KIAA1549L: variants seen among roughly 807,000 people sequenced by gnomAD.
KIAA1549L encodes the protein UPF0606 protein KIAA1549L.
A neutral mutation model predicts 160.7 loss-of-function variants in KIAA1549L; 88 were observed. The ratio of observed to expected loss-of-function variants is 0.55; its 90% confidence interval spans 0.46 to 0.65. The LOEUF (loss-of-function observed/expected upper bound fraction) is 0.65. Among genes scored for constraint, KIAA1549L ranks in the 30% least tolerant of loss-of-function variants. KIAA1549L has a pLI of 0.00. For synonymous variants in KIAA1549L, 950 were observed against 976.7 expected (o/e 0.97, Z 0.51); for missense variants, 2,258 against 2,437.5 (o/e 0.93, Z 1.55).
intron 16 of KIAA1549L, among the ~76,000 whole-genome samples, chr11:33,634,590 G>T (rs1448724251): frequency 6.6e-6 from 1 of 152,222 alleles, no homozygotes; most frequent in East Asian, 1.9e-4. Flanking sequence ...AAGTTATGGG[G>T]GGAGAAAGAC....
At chr11:33,647,744 G>A (rs910101850) in intron 17 of KIAA1549L, among the ~76,000 whole-genome samples, 1 of 151,930 alleles carries the variant, frequency 6.6e-6, no homozygotes, top group Non-Finnish European at 1.5e-5. Flanking sequence ...CAGGTAAGAA[G>A]ATGCGATGGC....
In KIAA1549L at chr11:33,651,916, C is replaced by T. The variant is rs867458008; in HGVS notation, c.5761-4096C>T. Among the ~76,000 whole-genome samples, 24 of 67,484 alleles carry T rather than the reference C, an allele frequency of 3.6e-4. No individual in the cohort carries two copies. In the South Asian group the frequency reaches 0.02, roughly 56 times the overall value. The allele number at this position is 67,484 out of a possible 152,430, so 44.3% of individuals were successfully genotyped here. On this transcript the variant is annotated intron_variant, in intron 17 of 20. Coordinates refer to ENST00000658780, the MANE Select transcript of KIAA1549L (RefSeq NM_012194.3). ...CCCCCCCTTCCCCTCCCCTCCCCTCCCCCTCCCTCCCTCCCTTCCTTCCTT... is the reference window on the plus strand; with the variant it reads ...CCCCCCCTTCCCCTCCCCTCCCCTCTCCCTCCCTCCCTCCCTTCCTTCCTT...
chr11:33,472,757 C>T lies in KIAA1549L; in HGVS notation c.239-69045C>T, dbSNP rs117061294. ...TTATCTTAAAATTGTGCACATTCTG[C>T]ACCACAGTCCGTATTATATCCATGT... On this transcript the variant is annotated intron_variant, in intron 1 of 20. Coordinates refer to ENST00000658780, the MANE Select transcript of KIAA1549L (RefSeq NM_012194.3). 5.9e-5 allele frequency among the ~76,000 whole-genome samples: 9 copies of T among 152,324 alleles called. No homozygotes were observed. The East Asian group carries it at 1.7e-3, about 29-fold the overall frequency.
intron 15 of KIAA1549L, among the ~76,000 whole-genome samples, chr11:33,612,512 C>T (rs549380747): frequency 9.8e-5 from 15 of 152,312 alleles, no homozygotes; most frequent in African/African-American, 3.4e-4. Context: ...CTGCCTTGGC[C>T]TTCCAGAGTG....
chr11:33,472,593 C>T (rs143314131), intron 1 of KIAA1549L, among the ~76,000 whole-genome samples: 24 of 152,194 alleles, frequency 1.6e-4, no homozygotes, highest in African/African-American at 5.3e-4. Flanking sequence ...GGAAGACAGC[C>T]AGGACTTTCT....
At chr11:33,468,535 C>T (rs917753357) in intron 1 of KIAA1549L, among the ~76,000 whole-genome samples, 20 of 152,314 alleles carry the variant, frequency 1.3e-4, no homozygotes, top group South Asian at 2.1e-4. Flanking sequence ...CTATCACTGT[C>T]GAATCATCTG....
At chr11:33,478,808 C>T (rs1313031083) in intron 1 of KIAA1549L, among the ~76,000 whole-genome samples, 1 of 152,178 alleles carries the variant, frequency 6.6e-6, no homozygotes, top group Non-Finnish European at 1.5e-5. Context: ...ACGATCTCGG[C>T]TCACTGCAAC....
At chr11:33,571,551 C>G (rs1855256348) in intron 9 of KIAA1549L, among the ~76,000 whole-genome samples, 1 of 152,104 alleles carries the variant, frequency 6.6e-6, no homozygotes, top group Non-Finnish European at 1.5e-5. Context: ...AAGCTTCAAG[C>G]ATGGCAGAAG....
intron 12 of KIAA1549L, among the ~76,000 whole-genome samples, chr11:33,591,937 G>A (rs979502246): frequency 1.3e-5 from 2 of 152,238 alleles, no homozygotes; most frequent in African/African-American, 4.8e-5. Context: ...CGAGGATGAG[G>A]TATTGGTGCC....
intron 1 of KIAA1549L, among the ~76,000 whole-genome samples, chr11:33,442,957 ATCTGTTT>A (rs1165254014): frequency 1.3e-5 from 2 of 151,838 alleles, no homozygotes; most frequent in African/African-American, 2.4e-5. Flanking sequence ...TATGCTACTT[ATCTGTTT>A]TCTGTTTTCA....
intron 1 of KIAA1549L, among the ~76,000 whole-genome samples, chr11:33,421,009 A>T (rs1850999960): frequency 6.6e-6 from 1 of 152,184 alleles, no homozygotes; most frequent in Admixed American, 6.5e-5. Flanking sequence ...ACTAAAGCTA[A>T]TAAGTTTATG....
intron 1 of KIAA1549L, among the ~76,000 whole-genome samples, chr11:33,427,805 T>C (rs1235144859): frequency 6.6e-6 from 1 of 152,220 alleles, no homozygotes; most frequent in Admixed American, 6.5e-5. Flanking sequence ...CTGCAGTGTT[T>C]GGCAACCACA....
At chr11:33,486,522 T>C (rs1273465087) in intron 1 of KIAA1549L, among the ~76,000 whole-genome samples, 2 of 152,362 alleles carry the variant, frequency 1.3e-5, no homozygotes, top group East Asian at 3.8e-4. Flanking sequence ...TTAATGCATA[T>C]ACTTTATGTG....
chr11:33,476,429 A>G (rs564143797), intron 1 of KIAA1549L, among the ~76,000 whole-genome samples: 14 of 152,210 alleles, frequency 9.2e-5, no homozygotes, highest in Non-Finnish European at 1.5e-4. Context: ...GAACTAGTAG[A>G]TGCTAGACGC....
chr11:33,600,870 G>A (rs1325567354), intron 13 of KIAA1549L, among the ~76,000 whole-genome samples: 1 of 152,084 alleles, frequency 6.6e-6, no homozygotes, highest in Non-Finnish European at 1.5e-5. Context: ...GCAAAGTGAT[G>A]TCTTTTCCCC....
chr11:33,543,079 A>C lies in KIAA1549L; in HGVS notation c.1516A>C (p.Thr506Pro). 1.9e-6 allele frequency: 3 copies of C among 1,613,778 alleles called. No homozygotes were observed. The highest frequency in any genetic ancestry group is 1.7e-6 in the Non-Finnish European group (2 of 1,179,854). The change falls in exon 2 of 21, where the codon ACT (threonine) becomes CCT (proline). Residue 506 changes from threonine to proline, a missense_variant. Thr to Pro is a conservative substitution (Grantham distance 38). Around this residue, in one of 6 missense-constraint regions of KIAA1549L, gnomAD observed 540 missense variants for 465.7 expected, o/e 1.16. Coordinates refer to ENST00000658780, the MANE Select transcript of KIAA1549L (RefSeq NM_012194.3). Reference protein sequence around the residue: ...TGTADFPSILTFLQPTENHAS... With the variant: ...TGTADFPSILPFLQPTENHAS... ...GACAGCCGACTTTCCCTCCATACTT[A>C]CTTTCCTCCAGCCCACAGAGAATCA...
intron 1 of KIAA1549L, among the ~76,000 whole-genome samples, chr11:33,488,140 C>T (rs1852571604): frequency 6.6e-6 from 1 of 152,116 alleles, no homozygotes; most frequent in African/African-American, 2.4e-5. Flanking sequence ...ATATGGTTGG[C>T]AAATATGAAC....
chr11:33,443,477 A>C (rs968664751), intron 1 of KIAA1549L, among the ~76,000 whole-genome samples: 28 of 152,202 alleles, frequency 1.8e-4, no homozygotes, highest in Non-Finnish European at 3.4e-4. Flanking sequence ...TCACATCTTT[A>C]GCTCAAGTTG....
intron 16 of KIAA1549L, among the ~76,000 whole-genome samples, chr11:33,625,203 G>A (rs539482224): frequency 2.3e-4 from 35 of 151,878 alleles, no homozygotes; most frequent in South Asian, 4.2e-4. Context: ...ATTGTGAATA[G>A]TGCCTCAATA....
Sources: gnomAD v4.1 joint callset for allele counts (sites outside exome capture counted in the v4.1 genomes callset) on GRCh38, gnomAD v4.1.1 for gene constraint, gnomAD v4.1.1 regional missense constraint, MANE v1.5 for transcripts, NCBI Gene and HGNC (gene_info 2026-07-23, HGNC 2026-07-21) for gene names.